The following POU6F2 variants were observed in gnomAD, a reference collection of about 807,000 sequenced individuals.
The protein encoded by POU6F2 is POU class 6 homeobox 2.
In POU6F2, 31 loss-of-function variants were observed where a neutral mutation model predicts 71.3. That is an observed-to-expected ratio of 0.43 (90% confidence interval 0.33 to 0.59). The LOEUF (loss-of-function observed/expected upper bound fraction) is 0.59, where lower values mean the gene tolerates loss of function less well. Among genes scored for constraint, POU6F2 ranks in the 20% least tolerant of loss-of-function variants. The pLI, the probability that POU6F2 is intolerant of heterozygous loss-of-function variation, is 0.04. For missense variants in POU6F2, 783 were observed against 856.8 expected (o/e 0.91, Z 1.07); for synonymous variants, 347 against 355.7 (o/e 0.98, Z 0.27).
At chr7:39,190,726 C>T (rs916262187) in intron 2 of POU6F2, among the ~76,000 whole-genome samples, 1 of 146,412 alleles carries the variant, frequency 6.8e-6, no homozygotes, top group Middle Eastern at 3.3e-3. Context: ...CAACCTCCAA[C>T]TCCTAGGTTT....
chr7:39,418,332 T>C (rs1001099266), intron 6 of POU6F2, among the ~76,000 whole-genome samples: 1 of 152,194 alleles, frequency 6.6e-6, no homozygotes, highest in Admixed American at 6.5e-5. Flanking sequence ...CATCATTTCA[T>C]TTCATTCTCA....
intron 1 of POU6F2, among the ~76,000 whole-genome samples, chr7:38,997,938 T>C (rs1788785594): frequency 6.6e-6 from 1 of 152,224 alleles, no homozygotes; most frequent in African/African-American, 2.4e-5. Context: ...TCAAAGGCAG[T>C]GGCCAAACCT....
intron 2 of POU6F2, among the ~76,000 whole-genome samples, chr7:39,158,773 T>A (rs547250254): frequency 6.6e-6 from 1 of 152,288 alleles, no homozygotes; most frequent in African/African-American, 2.4e-5. Flanking sequence ...AGTTCGCTGA[T>A]TGAAATGCCG....
At chr7:39,183,014 A>G (rs568648502) in intron 2 of POU6F2, among the ~76,000 whole-genome samples, 2 of 152,254 alleles carry the variant, frequency 1.3e-5, no homozygotes, top group African/African-American at 4.8e-5. Flanking sequence ...GCAGACTGGG[A>G]CCAGTTCATG....
At chr7:39,413,709 T>C (rs1414805045) in intron 6 of POU6F2, among the ~76,000 whole-genome samples, 1 of 152,134 alleles carries the variant, frequency 6.6e-6, no homozygotes, top group Admixed American at 6.5e-5. Flanking sequence ...TTAAATCAGC[T>C]CTTTCTAGAG....
intron 6 of POU6F2, among the ~76,000 whole-genome samples, chr7:39,410,947 A>G (rs1787537227): frequency 1.3e-5 from 2 of 152,210 alleles, no homozygotes; most frequent in Admixed American, 1.3e-4. Context: ...CATCTGAAAA[A>G]TGGAGATAAT....
At chr7:39,368,614 A>G (rs1466382263) in intron 5 of POU6F2, among the ~76,000 whole-genome samples, 4 of 152,242 alleles carry the variant, frequency 2.6e-5, no homozygotes, top group Non-Finnish European at 4.4e-5. Flanking sequence ...AGAAGATACC[A>G]TCTAAGGCTT....
intron 2 of POU6F2, among the ~76,000 whole-genome samples, chr7:39,178,341 AAG>A (rs1164774124): frequency 1.3e-5 from 2 of 152,126 alleles, no homozygotes; most frequent in Non-Finnish European, 2.9e-5. Context: ...AATATCCCAC[AAG>A]AGTTTCTCTT....
intron 4 of POU6F2, among the ~76,000 whole-genome samples, chr7:39,271,583 A>C (rs1363317348): frequency 6.6e-6 from 1 of 151,738 alleles, no homozygotes; most frequent in Non-Finnish European, 1.5e-5. Context: ...GTTTGCCAGC[A>C]GAAGTGGTTC....
At chr7:38,982,126 G>T (rs181373602) in intron 1 of POU6F2, among the ~76,000 whole-genome samples, 36 of 151,950 alleles carry the variant, frequency 2.4e-4, no homozygotes, top group African/African-American at 8.5e-4. Flanking sequence ...ACTGATATTC[G>T]TGCCTTACAT....
At chr7:39,006,772 G>C in intron 1 of POU6F2, 1 of 1,400,296 alleles carries the variant, frequency 7.1e-7, no homozygotes, top group Non-Finnish European at 1.0e-6. Flanking sequence ...AACTCTCTTG[G>C]GTTGTGTTAC....
chr7:39,043,926 C>T (rs1790241850), intron 1 of POU6F2, among the ~76,000 whole-genome samples: 1 of 151,896 alleles, frequency 6.6e-6, no homozygotes. Context: ...GGCTGCCATA[C>T]CCCAGGCTCA....
intron 1 of POU6F2, among the ~76,000 whole-genome samples, chr7:39,006,048 G>T (rs1473150868): frequency 6.6e-5 from 10 of 152,188 alleles, no homozygotes; most frequent in Admixed American, 5.9e-4. Context: ...GCATGTATGT[G>T]GTGTATTGTG....
At chr7:39,323,613 G>T (rs1456465938) in intron 4 of POU6F2, among the ~76,000 whole-genome samples, 3 of 152,102 alleles carry the variant, frequency 2.0e-5, no homozygotes, top group African/African-American at 7.2e-5. Flanking sequence ...CTAATATTGG[G>T]CTGAGCACTA....
chr7:38,987,782 T>C (rs1414689126), intron 1 of POU6F2, among the ~76,000 whole-genome samples: 1 of 152,148 alleles, frequency 6.6e-6, no homozygotes, highest in Non-Finnish European at 1.5e-5. Context: ...TCACATATAC[T>C]AAGAAGACAG....
chr7:39,163,946 C>T (rs1267163046), intron 2 of POU6F2, among the ~76,000 whole-genome samples: 3 of 151,994 alleles, frequency 2.0e-5, no homozygotes, highest in South Asian at 2.1e-4. Flanking sequence ...GGATGAAGTC[C>T]GGGGAGAAGG....
chr7:39,464,166 C>T lies in POU6F2; in HGVS notation c.1659-16C>T, dbSNP rs1002343859. On this transcript the variant is annotated splice_polypyrimidine_tract_variant and intron_variant, in intron 9 of 9. Transcript: ENST00000518318. The surrounding 1 kb of genome is among the most constrained non-coding windows in gnomAD (Gnocchi z 4.1). Reference sequence around the variant, plus strand: ...GACTCAGTGTAAGACTGTTCTTTCTCAATTTTCCCCCCCAGACACACCATC... The same window carrying T: ...GACTCAGTGTAAGACTGTTCTTTCTTAATTTTCCCCCCCAGACACACCATC... 1.9e-5 allele frequency: 30 copies of T among 1,610,292 alleles called. No homozygotes were observed. Among genetic ancestry groups the T allele is most frequent in the East Asian group, 2.2e-5 (1 of 44,830 alleles).
At chr7:39,006,951 G>A in intron 1 of POU6F2, 1 of 1,390,208 alleles carries the variant, frequency 7.2e-7, no homozygotes, top group Non-Finnish European at 1.0e-6. Flanking sequence ...TAAAATCGGA[G>A]GGAAATAATT....
At chr7:39,290,042 T>C (rs887678913) in intron 4 of POU6F2, among the ~76,000 whole-genome samples, 2 of 152,156 alleles carry the variant, frequency 1.3e-5, no homozygotes, top group African/African-American at 4.8e-5. Flanking sequence ...TTAGAAATGA[T>C]AAGATAAAGC....
Sources: gnomAD v4.1 joint callset for allele counts (sites outside exome capture counted in the v4.1 genomes callset) on GRCh38, gnomAD v4.1.1 for gene constraint, Gnocchi (gnomAD v3.1) non-coding constraint, MANE v1.5 for transcripts, NCBI Gene and HGNC (gene_info 2026-07-23, HGNC 2026-07-21) for gene names.